Variants in CTNND1 observed in about 807,000 individuals in gnomAD.
The protein encoded by CTNND1 is catenin delta 1, also known as catenin delta-1.
CTNND1 carries 16 observed loss-of-function variants against 112.1 expected under a neutral mutation model. The ratio of observed to expected loss-of-function variants is 0.14; its 90% CI spans 0.10 to 0.22. CTNND1 has a LOEUF of 0.22. CTNND1 is among the 10% of genes least tolerant of loss of function. CTNND1 has a pLI of 1.00. For synonymous variants in CTNND1, 420 were observed against 446.5 expected, an observed-to-expected ratio of 0.94 and a Z score of 0.75; for missense variants, 1,008 against 1,257.0, an observed-to-expected ratio of 0.80 and a Z score of 3.00.
chr11:57,766,893 T>C (rs1049370356), intron 1 of CTNND1, among the ~76,000 whole-genome samples: 4 of 152,152 alleles, frequency 2.6e-5, no homozygotes, highest in African/African-American at 9.7e-5. Flanking sequence ...CAGTGAGCCC[T>C]TCAGTTTGAT....
chr11:57,771,506 A>G (rs952853003), intron 1 of CTNND1, among the ~76,000 whole-genome samples: 9 of 152,110 alleles, frequency 5.9e-5, no homozygotes, highest in African/African-American at 2.2e-4. Flanking sequence ...TCATGTAGAT[A>G]TGAGGAGTAG....
chr11:57,766,737 T>A (rs1453769833), intron 1 of CTNND1, among the ~76,000 whole-genome samples: 6 of 152,304 alleles, frequency 3.9e-5, no homozygotes, highest in Middle Eastern at 3.4e-3. Context: ...TATTTAATTG[T>A]TTAATGTATT....
rs1289505618 is a variant in CTNND1, at chr11:57,788,700, A to G, written c.-213-337A>G. On this transcript the variant is annotated intron_variant, in intron 1 of 20. Transcript: ENST00000399050. The surrounding 1 kb of genome is among the most constrained non-coding windows in gnomAD (Gnocchi z 4.1). The stretch of plus-strand genomic sequence containing the variant: ...GGGAAGGGAGGGGGAAGGGCATTCC[A>G]ACAGCAGTTTTTTTCTTTTTCCCCA... Among the ~76,000 whole-genome samples the G allele has an allele frequency of 6.6e-6, 1 of 152,172 alleles. No homozygotes were observed. Among genetic ancestry groups the G allele is most frequent in the South Asian group, 2.1e-4 (1 of 4,826 alleles).
At chr11:57,768,605 GGAT>G in intron 1 of CTNND1, among the ~76,000 whole-genome samples, 1 of 151,344 alleles carries the variant, frequency 6.6e-6, no homozygotes, top group South Asian at 2.1e-4. Flanking sequence ...GTGTTAGCCA[GGAT>G]GATCTTGATC....
chr11:57,806,552 T>G, intron 11 of CTNND1, 74 bp downstream of exon 11: 1 of 1,330,540 alleles, frequency 7.5e-7, no homozygotes, highest in Non-Finnish European at 1.1e-6. Flanking sequence ...TAGTATGTCC[T>G]TGCCTAACCT....
chr11:57,811,220 C>T (rs200153879), intron 16 of CTNND1, among the ~76,000 whole-genome samples, 179 bp from the exon 17 acceptor site: 1 of 152,110 alleles, frequency 6.6e-6, no homozygotes, highest in Non-Finnish European at 1.5e-5. Flanking sequence ...TTCTGGAACA[C>T]AAATAGAAGC....
intron 3 of CTNND1, 54 bp from the exon 4 acceptor site, chr11:57,793,956 A>G (rs1199182571): frequency 6.4e-7 from 1 of 1,571,106 alleles, no homozygotes; most frequent in Admixed American, 1.7e-5. Flanking sequence ...TTTGTATTTG[A>G]TAGAGCAAAA....
chr11:57,802,096 C>A lies in CTNND1; in HGVS notation c.1320C>A (p.Asp440Glu), dbSNP rs1455613943. The A allele has an allele frequency of 1.9e-6, 3 of 1,613,858 alleles. No homozygotes were observed. Among genetic ancestry groups the A allele is most frequent in the Admixed American group, 3.3e-5 (2 of 59,994 alleles). Reference sequence around the variant, plus strand: ...TCAAGAATATCTCTTTTGGACGTGACCAGGATAACAAGATTGCCATAAAAA... The same window carrying A: ...TCAAGAATATCTCTTTTGGACGTGAACAGGATAACAAGATTGCCATAAAAA... ...GALKNISFGR[D>E]QDNKIAIKNC... Residue 440 changes from aspartate (D) to glutamate (E), a missense_variant, in exon 7 of 21, where the codon GAC becomes GAA. This residue lies in a region of CTNND1 where 216 missense variants were observed against 342.8 expected (regional missense o/e 0.63). Transcript: ENST00000399050.
intron 4 of CTNND1, among the ~76,000 whole-genome samples, chr11:57,794,299 C>A (rs941447675): frequency 2.6e-5 from 4 of 152,082 alleles, no homozygotes; most frequent in Non-Finnish European, 4.4e-5. Flanking sequence ...ATGACTATTC[C>A]TCCTCCCCAC....
intron 3 of CTNND1, 79 bp downstream of exon 3, chr11:57,791,752 ACT>A: frequency 7.1e-7 from 1 of 1,416,822 alleles, no homozygotes; most frequent in East Asian, 2.7e-5. Context: ...TTGGGAAGCT[ACT>A]CTCCTTTTGG....
chr11:57,811,262 G>A, intron 16 of CTNND1, 137 bp from the exon 17 acceptor site: 1 of 633,258 alleles, frequency 1.6e-6, no homozygotes, highest in Non-Finnish European at 2.8e-6. Flanking sequence ...ACTGTCTAGG[G>A]TATTTATTCA....
rs780324412 is a variant in CTNND1, at chr11:57,811,392, C to T, written c.2551-7C>T. The T allele has an allele frequency of 3.1e-6, 5 of 1,607,870 alleles. No homozygotes were observed. The East Asian group carries it at 1.1e-4, about 36-fold the overall frequency. On this transcript the variant is annotated splice_polypyrimidine_tract_variant and splice_region_variant and intron_variant, in intron 16 of 20. Coordinates refer to ENST00000399050, the MANE Select transcript of CTNND1 (RefSeq NM_001085458.2). ...TGTCACATTGTCGCATTTGTGTTTG[C>T]CTCTAGGTGAATCTAAACAATGCTT...
chr11:57,815,701 C>T (rs2063893180), intron 19 of CTNND1: 1 of 783,878 alleles, frequency 1.3e-6, no homozygotes, highest in Admixed American at 1.7e-5. Context: ...GGAAGCATGT[C>T]TGTAAAAGTG....
At chr11:57,792,403 G>A (rs954255626) in intron 3 of CTNND1, among the ~76,000 whole-genome samples, 5 of 152,148 alleles carry the variant, frequency 3.3e-5, no homozygotes, top group African/African-American at 1.2e-4. Flanking sequence ...CTGAGGTTTT[G>A]TCTGTCTTCC....
In CTNND1 at chr11:57,796,614, A is replaced by C. The variant is rs376734150; in HGVS notation, c.578A>C (p.Tyr193Ser). ...RKNGNGGPGP[Y>S]VGQAGTATLP... ...AATGGCAATGGGGGACCTGGTCCCT[A>C]TGTGGGGCAAGCTGGCACTGCTACC... Residue 193 changes from tyrosine to serine, a missense_variant, in exon 6 of 21, where the codon TAT becomes TCT. By Grantham distance (144) the Tyr-to-Ser change is moderately radical (BLOSUM62 -2). Around this residue, in one of 5 missense-constraint regions of CTNND1, gnomAD observed 404 missense variants for 457.9 expected, o/e 0.88. Coordinates refer to ENST00000399050, the MANE Select transcript of CTNND1 (RefSeq NM_001085458.2). 6.2e-7 allele frequency: 1 copy of C among 1,613,978 alleles called. No homozygotes were observed. Among genetic ancestry groups the C allele is most frequent in the East Asian group, 2.2e-5 (1 of 44,874 alleles).
intron 6 of CTNND1, among the ~76,000 whole-genome samples, chr11:57,800,090 T>C (rs1288399009): frequency 6.8e-6 from 1 of 147,658 alleles, no homozygotes; most frequent in African/African-American, 2.5e-5. Flanking sequence ...GTTCCATGCA[T>C]GGTATTTTAT....
intron 2 of CTNND1, among the ~76,000 whole-genome samples, chr11:57,790,895 A>AT (rs112251986): frequency 1.3e-4 from 19 of 147,454 alleles, no homozygotes; most frequent in South Asian, 2.2e-4. Flanking sequence ...TAGCATAGTA[A>AT]TTTTTTTTTT....
At chr11:57,765,902 G>A (rs1008698692) in intron 1 of CTNND1, among the ~76,000 whole-genome samples, 4 of 152,150 alleles carry the variant, frequency 2.6e-5, no homozygotes, top group African/African-American at 9.7e-5. Flanking sequence ...CTGGTGCGGT[G>A]GCTCACGCCT....
chr11:57,769,333 A>G (rs1951978764), intron 1 of CTNND1, among the ~76,000 whole-genome samples: 1 of 152,074 alleles, frequency 6.6e-6, no homozygotes, highest in South Asian at 2.1e-4. Context: ...AAAAAAAAAA[A>G]ACAGAGAGAC....
Sources: allele counts gnomAD v4.1 joint callset (sites outside exome capture counted in the v4.1 genomes callset), GRCh38; gene constraint gnomAD v4.1.1; regional missense constraint gnomAD v4.1.1; non-coding constraint Gnocchi (gnomAD v3.1); transcripts MANE v1.5; gene names NCBI Gene and HGNC (gene_info 2026-07-23, HGNC 2026-07-21).